The following TYW1 variants were observed in gnomAD, a reference collection of about 807,000 sequenced individuals.
TYW1 encodes tRNA-yW synthesizing protein 1 homolog.
Under a neutral mutation model 96.2 loss-of-function variants are expected in TYW1, and 46 were observed. The observed-to-expected ratio is 0.48, with a 90% CI of 0.38 to 0.61. The LOEUF (loss-of-function observed/expected upper bound fraction) is 0.61, where lower values mean the gene tolerates loss of function less well. Ranked by LOEUF, TYW1 falls within the 20% of genes least tolerant of loss-of-function variation. The pLI is 0.00. For missense variants in TYW1, 684 were observed against 909.6 expected, an observed-to-expected ratio of 0.75 and a Z score of 3.19; for synonymous variants, 274 against 323.0, an observed-to-expected ratio of 0.85 and a Z score of 1.63.
intron 13 of TYW1, among the ~76,000 whole-genome samples, chr7:67,163,680 T>TA (rs1799234111): frequency 6.6e-6 from 1 of 151,578 alleles, no homozygotes; most frequent in African/African-American, 2.4e-5. Context: ...TTTTTTTTTT[T>TA]TTTTCTGAGA....
At chr7:67,044,239 C>G (rs1795117551) in intron 7 of TYW1, among the ~76,000 whole-genome samples, 1 of 151,142 alleles carries the variant, frequency 6.6e-6, no homozygotes, top group Non-Finnish European at 1.5e-5. Flanking sequence ...GCTGCGACCA[C>G]AAGCGCATGC....
At chr7:67,113,505 A>T (rs1797492387) in intron 12 of TYW1, among the ~76,000 whole-genome samples, 1 of 152,222 alleles carries the variant, frequency 6.6e-6, no homozygotes, top group African/African-American at 2.4e-5. Flanking sequence ...AACCGCTGTG[A>T]CTTGAACACT....
rs767831080 is a variant in TYW1, at chr7:67,195,312, A to G, written c.1952A>G (p.Asn651Ser). The G allele has an allele frequency of 2.5e-6, 4 of 1,613,434 alleles. No homozygotes were observed. In the East Asian group the frequency reaches 8.9e-5, roughly 36 times the overall value. The change falls in exon 15 of 16, where the codon AAT becomes AGT. Residue 651 changes from asparagine (N) to serine (S), a missense_variant. Physicochemically the swap from Asn to Ser is conservative, Grantham distance 46 (BLOSUM62 1). Coordinates refer to ENST00000359626, the MANE Select transcript of TYW1 (RefSeq NM_018264.4). ...YEIACEHEHS[N>S]CLLIAHRKFK... The stretch of plus-strand genomic sequence containing the variant: ...ATTGCATGTGAACACGAACACTCTA[A>G]TTGCCTCCTGATAGCACACAGAAAG...
At chr7:67,167,677 C>G (rs917209294) in intron 13 of TYW1, among the ~76,000 whole-genome samples, 1 of 151,656 alleles carries the variant, frequency 6.6e-6, no homozygotes, top group Non-Finnish European at 1.5e-5. Flanking sequence ...CTTTCCTGCC[C>G]TGTTCTGCAG....
At chr7:67,037,504 C>CA (rs570794125) in intron 7 of TYW1, among the ~76,000 whole-genome samples, 28,219 of 84,858 alleles carry the variant, frequency 0.33, 3,431 homozygotes, top group African/African-American at 0.39. Flanking sequence ...AACTCCGTCT[C>CA]AAAAAAAAAA....
chr7:67,167,707 T>A lies in TYW1; in HGVS notation c.1699-15419T>A, dbSNP rs557114640. Among the ~76,000 whole-genome samples, 7 of 152,050 alleles carry A rather than the reference T, an allele frequency of 4.6e-5. 1 individual carries two copies. The South Asian group carries it at 1.5e-3, about 32-fold the overall frequency. On this transcript the variant is annotated intron_variant, in intron 13 of 15. Transcript: ENST00000359626. ...CTGCAGTGTCAGTTTTGTCATAAAT[T>A]AAGTATCCTTACATGTTTGGGTCTG...
chr7:67,076,146 GA>G (rs34354042), intron 10 of TYW1, among the ~76,000 whole-genome samples: 26 of 152,236 alleles, frequency 1.7e-4, no homozygotes, highest in African/African-American at 6.3e-4. Flanking sequence ...TGCCTCTTTT[GA>G]AAAGTTCTAA....
intron 15 of TYW1, among the ~76,000 whole-genome samples, chr7:67,214,508 T>C (rs1177466076): frequency 6.6e-6 from 1 of 152,194 alleles, no homozygotes; most frequent in Non-Finnish European, 1.5e-5. Flanking sequence ...TCTTGTCTTA[T>C]TGTATTAGCT....
At chr7:67,070,270 GTCT>G (rs1175505523) in intron 10 of TYW1, among the ~76,000 whole-genome samples, 3 of 152,132 alleles carry the variant, frequency 2.0e-5, no homozygotes, top group African/African-American at 4.8e-5. Flanking sequence ...GTGAATTCAA[GTCT>G]TCTACCAAAT....
At chr7:67,093,017 A>G (rs1454454868) in intron 11 of TYW1, among the ~76,000 whole-genome samples, 19 of 152,068 alleles carry the variant, frequency 1.2e-4, no homozygotes, top group Non-Finnish European at 2.6e-4. Context: ...TTAAAAAAAA[A>G]TTAGCCAAGT....
At chr7:67,102,876 C>G (rs1432283736) in intron 12 of TYW1, among the ~76,000 whole-genome samples, 1 of 152,120 alleles carries the variant, frequency 6.6e-6, no homozygotes, top group African/African-American at 2.4e-5. Flanking sequence ...GTCTCGATCT[C>G]CTGACCTCGT....
intron 6 of TYW1, among the ~76,000 whole-genome samples, chr7:67,019,744 G>T (rs565410120): frequency 1.3e-5 from 2 of 152,416 alleles, no homozygotes; most frequent in Non-Finnish European, 2.9e-5. Flanking sequence ...TTACAAGCAG[G>T]TTTTTAAAAG....
At chr7:67,210,961 T>G (rs1010504483) in intron 15 of TYW1, among the ~76,000 whole-genome samples, 6 of 151,076 alleles carry the variant, frequency 4.0e-5, no homozygotes, top group African/African-American at 1.5e-4. Flanking sequence ...CTGTCTGTCT[T>G]TCTGTGTCTG....
At chr7:67,224,174 C>T (rs1447075817) in intron 15 of TYW1, among the ~76,000 whole-genome samples, 1 of 152,260 alleles carries the variant, frequency 6.6e-6, no homozygotes, top group East Asian at 1.9e-4. Flanking sequence ...GTTGCCCAGG[C>T]TGGAGTGCAA....
chr7:67,010,572 T>C (rs1385818988), intron 4 of TYW1, among the ~76,000 whole-genome samples: 2 of 151,194 alleles, frequency 1.3e-5, no homozygotes, highest in Non-Finnish European at 2.9e-5. Flanking sequence ...GCCTCCCGGG[T>C]TCACGCCATT....
At chr7:67,196,307 G>A (rs3980791) in intron 15 of TYW1, among the ~76,000 whole-genome samples, 2,383 of 152,048 alleles carry the variant, frequency 0.016, 30 homozygotes, top group Admixed American at 0.044. Context: ...TTTCAAGCTT[G>A]GGTTTTATCT....
At position 67,077,459 on chromosome 7, in the gene TYW1, G is replaced by A. The variant is rs149264452; in HGVS notation, c.1275-5971G>A. Among the ~76,000 whole-genome samples, 300 of 152,208 alleles carry A rather than the reference G, an allele frequency of 2.0e-3. 1 individual carries two copies. The highest frequency in any genetic ancestry group is 6.7e-3 in the African/African-American group (279 of 41,536). On this transcript the variant is annotated intron_variant, in intron 10 of 15. Coordinates refer to ENST00000359626, the MANE Select transcript of TYW1 (RefSeq NM_018264.4). Reference sequence around the variant, plus strand: ...CTTGGGTGAGATGGAATCTCATTGCGGTTTTGATTTGCATTTCTTTGATGA... The same window carrying A: ...CTTGGGTGAGATGGAATCTCATTGCAGTTTTGATTTGCATTTCTTTGATGA...
intron 15 of TYW1, among the ~76,000 whole-genome samples, chr7:67,235,365 G>A (rs1801851190): frequency 2.0e-5 from 3 of 152,200 alleles, no homozygotes; most frequent in African/African-American, 7.2e-5. Context: ...GTTGATGGAT[G>A]GATCATGATT....
At chr7:67,077,112 A>AAC (rs1338044625) in intron 10 of TYW1, among the ~76,000 whole-genome samples, 3 of 152,156 alleles carry the variant, frequency 2.0e-5, no homozygotes, top group Non-Finnish European at 2.9e-5. Flanking sequence ...TTCCATTGTG[A>AAC]ATATATATCA....
Sources: allele counts gnomAD v4.1 joint callset (sites outside exome capture counted in the v4.1 genomes callset), GRCh38; gene constraint gnomAD v4.1.1; transcripts MANE v1.5; gene names NCBI Gene and HGNC (gene_info 2026-07-23, HGNC 2026-07-21).